PAPLN: variants seen among roughly 807,000 people sequenced by gnomAD.
PAPLN encodes papilin, proteoglycan like sulfated glycoprotein, also known as papilin.
Under a neutral mutation model 159.0 loss-of-function variants are expected in PAPLN, and 146 were observed. The observed-to-expected ratio is 0.92, with a 90% CI of 0.80 to 1.05. PAPLN has a LOEUF of 1.05. Ranked by LOEUF, PAPLN falls within the 50% of genes least tolerant of loss-of-function variation. The pLI, the probability that PAPLN is intolerant of heterozygous loss-of-function variation, is 0.00. For synonymous variants in PAPLN, 734 were observed against 702.9 expected (o/e 1.04, Z -0.70); for missense variants, 1,720 against 1,743.9 (o/e 0.99, Z 0.24).
intron 6 of PAPLN, among the ~76,000 whole-genome samples, 192 bp downstream of exon 6, chr14:73,250,306 C>T (rs1163530294): frequency 6.6e-6 from 1 of 152,240 alleles, no homozygotes; most frequent in East Asian, 1.9e-4. Context: ...TCACCTTCAT[C>T]CTTGGAGAAC....
intron 2 of PAPLN, 69 bp downstream of exon 2, chr14:73,239,901 C>T (rs555717637): frequency 6.7e-7 from 1 of 1,481,524 alleles, no homozygotes; most frequent in Non-Finnish European, 8.9e-7. Context: ...CGCGCGGGCC[C>T]GCAGGCAACG....
chr14:73,269,497 C>T (rs962366533), intron 26 of PAPLN, among the ~76,000 whole-genome samples: 1 of 152,140 alleles, frequency 6.6e-6, no homozygotes, highest in African/African-American at 2.4e-5. Context: ...ATTCTGATAC[C>T]ATCAATTAGG....
In PAPLN at chr14:73,266,514, C is replaced by T. The variant is rs374738170; in HGVS notation, c.3277C>T (p.Pro1093Ser). 6.2e-7 allele frequency: 1 copy of T among 1,614,030 alleles called. No homozygotes were observed. ...CTTGGTCCCCAGACACCAGCTGCAG[C>T]CTGATGGCTCCCTGGTCATTAGCCG... ...PVSSPRHQLQ[P>S]DGSLVISRVA... Residue 1093 changes from proline (P) to serine (S), a missense_variant, in exon 24 of 27, where the codon CCT (proline) becomes TCT (serine). Transcript: ENST00000644200.
At chr14:73,272,080 C>T (rs536580344) in intron 26 of PAPLN, 16 of 155,788 alleles carry the variant, frequency 1.0e-4, no homozygotes, top group Admixed American at 3.2e-4. Context: ...GATAAGAGCT[C>T]TTGCTAACTC....
chr14:73,251,778 A>T lies in PAPLN; in HGVS notation c.785A>T (p.Asp262Val). Residue 262 changes from aspartate to valine, a missense_variant, in exon 9 of 27, where the codon GAC becomes GTC. Asp to Val is a radical substitution (Grantham distance 152). Transcript: ENST00000644200. ...CATTACGAGCGGGGTGCTGAGGGGG[A>T]CCTGGCCCCTGAGCGACTCCATGCC... ...ILHYERGAEG[D>V]LAPERLHARG... 6.2e-7 allele frequency: 1 copy of T among 1,609,232 alleles called. No homozygotes were observed. The highest frequency in any genetic ancestry group is 8.5e-7 in the Non-Finnish European group (1 of 1,178,748).
At chr14:73,251,059 G>A in intron 7 of PAPLN, 29 bp downstream of exon 7, 2 of 1,595,958 alleles carry the variant, frequency 1.3e-6, no homozygotes, top group African/African-American at 1.3e-5. Context: ...AGGGGCAGTT[G>A]CCTGCCCCCT....
At position 73,254,703 on chromosome 14, in the gene PAPLN, C is replaced by T; in HGVS notation, c.1485+8C>T. 1.2e-6 allele frequency: 2 copies of T among 1,611,470 alleles called. No individual in the cohort carries two copies. The highest frequency in any genetic ancestry group is 1.7e-6 in the Non-Finnish European group (2 of 1,178,212). On this transcript the variant is annotated splice_region_variant and intron_variant, in intron 13 of 26. Coordinates refer to ENST00000644200, the MANE Select transcript of PAPLN (RefSeq NM_001365906.3). ...GTTGGCACCTGGGGTCTAGTGAGTG[C>T]TCTCCACCCCCACACCTGCTGCCTG...
At position 73,266,830 on chromosome 14, in the gene PAPLN, A is replaced by G; in HGVS notation, c.3499A>G (p.Arg1167Gly). The G allele has an allele frequency of 6.2e-7, 1 of 1,609,054 alleles. No individual in the cohort carries two copies. ...AGAAAGTGTGAACATCAGGTGGTCC[A>G]GGTAAAGGCTCTATTCCAAGTTGTC... ...AGESVNIRWS[R>G]NGLPVQADGH... is the part of the protein sequence containing the mutation. The change falls in exon 25 of 27, where the codon AGG (arginine) becomes GGG (glycine). Residue 1167 changes from arginine (R) to glycine (G), a missense_variant and splice_region_variant. Transcript: ENST00000644200.
Position 73,259,327 on chromosome 14 carries a change from G to A in PAPLN, c.1767G>A (p.Arg589=), listed in dbSNP as rs923423670. 3.1e-6 allele frequency: 5 copies of A among 1,608,036 alleles called. No homozygotes were observed. Among genetic ancestry groups the A allele is most frequent in the African/African-American group, 2.7e-5 (2 of 74,834 alleles). Residue 589 remains arginine, a synonymous_variant, in exon 16 of 27, where the codon AGG becomes AGA. Coordinates refer to ENST00000644200, the MANE Select transcript of PAPLN (RefSeq NM_001365906.3). ...ACCCCTCAGCCAGGGGTGACCACAGGGGAGAACGAGGTGACCCCAGGGGCG... is the reference window on the plus strand; with the variant it reads ...ACCCCTCAGCCAGGGGTGACCACAGAGGAGAACGAGGTGACCCCAGGGGCG... ...QEHPSARGDH[R]GERGDPRGDQ...
rs765499746 is a variant in PAPLN at position 73,266,817 on chromosome 14, C to T, written c.3486C>T (p.Asn1162=). The T allele has an allele frequency of 1.2e-6, 2 of 1,612,442 alleles. No individual in the cohort carries two copies. The highest frequency in any genetic ancestry group is 1.7e-6 in the Non-Finnish European group (2 of 1,179,190). The part of the protein sequence containing the change: ...LLCVVAGESV[N]IRWSRNGLPV... ...GTGTGGTAGCAGGAGAAAGTGTGAACATCAGGTGGTCCAGGTAAAGGCTCT... is the reference window on the plus strand; with the variant it reads ...GTGTGGTAGCAGGAGAAAGTGTGAATATCAGGTGGTCCAGGTAAAGGCTCT... The change falls in exon 25 of 27, where the codon AAC becomes AAT. Residue 1162 remains asparagine (N), a synonymous_variant. Coordinates refer to ENST00000644200, the MANE Select transcript of PAPLN (RefSeq NM_001365906.3).
chr14:73,266,666 G>C (rs1248401254), intron 24 of PAPLN, 38 bp downstream of exon 24: 3 of 1,614,026 alleles, frequency 1.9e-6, no homozygotes, highest in Non-Finnish European at 2.5e-6. Context: ...GAGGTCAGGT[G>C]GCATGGGTAG....
At chr14:73,268,490 C>T in intron 25 of PAPLN, 67 bp from the exon 26 acceptor site, 1 of 1,515,902 alleles carries the variant, frequency 6.6e-7, no homozygotes, top group Non-Finnish European at 8.9e-7. Context: ...CTTTGATTAC[C>T]TCTTCCCTCT....
rs750384641 is a variant in PAPLN, at chr14:73,251,732, C to G, written c.739C>G (p.Pro247Ala). 6.2e-7 allele frequency: 1 copy of G among 1,613,224 alleles called. No homozygotes were observed. Among genetic ancestry groups the G allele is most frequent in the South Asian group, 1.1e-5 (1 of 91,082 alleles). Residue 247 changes from proline to alanine, a missense_variant, in exon 9 of 27, where the codon CCA becomes GCA. Pro to Ala is a conservative substitution (Grantham distance 27). Transcript: ENST00000644200. ...GACCATCGAGGCGGCCCGGGCCCTG[C>G]CAGCAGCCAGCACCATCCTGCATTA... ...HWTIEAARAL[P>A]AASTILHYER...
At position 73,260,742 on chromosome 14, in the gene PAPLN, T is replaced by G. The variant is rs746501181; in HGVS notation, c.2019T>G (p.Ala673=). ...GCTGCCCTGACAGGGTATCTGTCGCTGAGGGGCCCCATCACGCTGGCTGCA... is the reference window on the plus strand; with the variant it reads ...GCTGCCCTGACAGGGTATCTGTCGCGGAGGGGCCCCATCACGCTGGCTGCA... The part of the protein sequence containing the change: ...YGCCPDRVSV[A]EGPHHAGCTK... Residue 673 remains alanine (A), a synonymous_variant, in exon 17 of 27, where the codon GCT becomes GCG. Transcript: ENST00000644200. The G allele has an allele frequency of 6.1e-6, 9 of 1,476,184 alleles. No individual in the cohort carries two copies. In the African/African-American group the frequency reaches 8.7e-5, roughly 14 times the overall value. The allele number at this position is 1,476,184 out of a possible 1,614,324, so 91.4% of individuals were successfully genotyped here. A position where few individuals can be genotyped will look rare whatever the true frequency, so the allele number is the denominator to read the frequency against.
intron 7 of PAPLN, 103 bp from the exon 8 acceptor site, chr14:73,251,383 C>T: frequency 8.1e-7 from 1 of 1,239,232 alleles, no homozygotes; most frequent in Non-Finnish European, 1.1e-6. Context: ...CTTGTGTACC[C>T]TCCCTGCCCC....
upstream of PAPLN, among the ~76,000 whole-genome samples, chr14:73,236,243 G>A (rs925724953): frequency 2.6e-5 from 4 of 152,260 alleles, no homozygotes; most frequent in African/African-American, 7.2e-5. Flanking sequence ...GATCACATGC[G>A]TTGAGCCCCT....
intron 20 of PAPLN, 27 bp from the exon 21 acceptor site, chr14:73,264,184 C>G: frequency 6.2e-7 from 1 of 1,612,574 alleles, no homozygotes; most frequent in Non-Finnish European, 8.5e-7. Flanking sequence ...GCCCAGAGCT[C>G]ATGTCCTCCC....
chr14:73,254,764 C>T lies in PAPLN; in HGVS notation c.1485+69C>T, dbSNP rs867564440. ...CTGGCAGGTGGCTGCACCCGAGCGC[C>T]GTCCTTGGACCTGACACGCGCCACT... is the stretch of plus-strand genomic sequence containing the variant. On this transcript the variant is annotated intron_variant, in intron 13 of 26. Coordinates refer to ENST00000644200, the MANE Select transcript of PAPLN (RefSeq NM_001365906.3). 4.3e-5 allele frequency: 69 copies of T among 1,591,322 alleles called. No homozygotes were observed. The East Asian group carries it at 5.6e-4, about 13-fold the overall frequency.
rs1218506369 is a variant in PAPLN, at chr14:73,268,595, A to T, written c.3539A>T (p.His1180Leu). 3 of 1,613,576 alleles carry T rather than the reference A, an allele frequency of 1.9e-6. No individual in the cohort carries two copies. The highest frequency in any genetic ancestry group is 2.5e-6 in the Non-Finnish European group (3 of 1,179,792). Reference protein sequence around the residue: ...LPVQADGHRVHQSPDGTLLIY... With the variant: ...LPVQADGHRVLQSPDGTLLIY... Reference sequence around the variant, plus strand: ...GTGCAGGCTGATGGCCACCGTGTCCACCAGTCCCCAGATGGCACGCTGCTC... The same window carrying T: ...GTGCAGGCTGATGGCCACCGTGTCCTCCAGTCCCCAGATGGCACGCTGCTC... Residue 1180 changes from histidine (H) to leucine (L), a missense_variant, in exon 26 of 27, where the codon CAC becomes CTC. Transcript: ENST00000644200.
Sources: gnomAD v4.1 joint callset for allele counts (sites outside exome capture counted in the v4.1 genomes callset) on GRCh38, gnomAD v4.1.1 for gene constraint, MANE v1.5 for transcripts, NCBI Gene and HGNC (gene_info 2026-07-23, HGNC 2026-07-21) for gene names.